Variants in RYR3 observed in about 807,000 individuals in gnomAD.
RYR3 encodes brain ryanodine receptor-calcium release channel.
A neutral mutation model predicts 584.3 loss-of-function variants in RYR3; 207 were observed. That is an observed-to-expected ratio of 0.35 (90% CI 0.32 to 0.40). The LOEUF (loss-of-function observed/expected upper bound fraction) is 0.40, where lower values mean the gene tolerates loss of function less well. Among genes scored for constraint, RYR3 ranks in the 10% least tolerant of loss-of-function variants. RYR3 has a pLI of 1.00. For synonymous variants in RYR3, 2,416 were observed against 2,248.5 expected, an observed-to-expected ratio of 1.07 and a Z score of -2.11; for missense variants, 5,616 against 6,089.2, an observed-to-expected ratio of 0.92 and a Z score of 2.59.
intron 1 of RYR3, among the ~76,000 whole-genome samples, chr15:33,394,430 T>C (rs1045505119): frequency 2.0e-5 from 3 of 152,240 alleles, no homozygotes; most frequent in Non-Finnish European, 4.4e-5. Context: ...AATTTACATG[T>C]TATGTTCCAA....
At chr15:33,536,610 C>G (rs2055349850) in intron 5 of RYR3, among the ~76,000 whole-genome samples, 1 of 152,176 alleles carries the variant, frequency 6.6e-6, no homozygotes, top group Non-Finnish European at 1.5e-5. Context: ...CTTCAGGACC[C>G]CCTTCATCAT....
chr15:33,546,533 T>G (rs2056252196), intron 8 of RYR3, among the ~76,000 whole-genome samples: 1 of 152,194 alleles, frequency 6.6e-6, no homozygotes, highest in Non-Finnish European at 1.5e-5. Context: ...AGGTAACCAT[T>G]GTTGATGTAA....
chr15:33,505,283 C>T (rs749961950), intron 3 of RYR3, among the ~76,000 whole-genome samples: 1 of 152,158 alleles, frequency 6.6e-6, no homozygotes, highest in African/African-American at 2.4e-5. Flanking sequence ...CCCTTAATAC[C>T]AAATATTTGT....
chr15:33,471,282 A>C (rs906827600), intron 1 of RYR3, among the ~76,000 whole-genome samples: 4 of 152,170 alleles, frequency 2.6e-5, no homozygotes, highest in African/African-American at 9.7e-5. Flanking sequence ...TTTGGCCCAG[A>C]GTCCCATACC....
intron 100 of RYR3, 92 bp downstream of exon 100, chr15:33,859,823 C>G: frequency 1.5e-6 from 2 of 1,298,344 alleles, no homozygotes; most frequent in Non-Finnish European, 2.1e-6. Flanking sequence ...TATGAAGAAG[C>G]GTGTGAATTC....
intron 48 of RYR3, among the ~76,000 whole-genome samples, chr15:33,735,247 T>C (rs1311063849): frequency 1.3e-5 from 2 of 152,244 alleles, no homozygotes; most frequent in African/African-American, 4.8e-5. Context: ...GAGTGATTTT[T>C]GCATTCTAAC....
chr15:33,338,313 C>T (rs1595766307), intron 1 of RYR3, among the ~76,000 whole-genome samples: 2 of 152,128 alleles, frequency 1.3e-5, no homozygotes, highest in African/African-American at 4.8e-5. Flanking sequence ...AGATGATTTT[C>T]GGGGCTCCAA....
intron 2 of RYR3, among the ~76,000 whole-genome samples, chr15:33,502,130 A>C (rs2052042888): frequency 6.6e-6 from 1 of 152,220 alleles, no homozygotes; most frequent in Non-Finnish European, 1.5e-5. Context: ...CAGAGCCAGT[A>C]GCCTTTGGAA....
intron 37 of RYR3, among the ~76,000 whole-genome samples, chr15:33,669,880 G>GGT (rs71117160): frequency 0.14 from 14,838 of 103,244 alleles, 1,199 homozygotes; most frequent in East Asian, 0.29. Context: ...GGGTGTGTGT[G>GGT]GTGTGTGTGT....
At chr15:33,834,945 T>TA (rs1567277639) in intron 86 of RYR3, 23 bp from the exon 87 acceptor site, 1 of 1,602,526 alleles carries the variant, frequency 6.2e-7, no homozygotes, top group South Asian at 1.1e-5. Flanking sequence ...TTAAGTGACA[T>TA]AAGAATGTCC....
chr15:33,449,444 T>A (rs2046930184), intron 1 of RYR3, among the ~76,000 whole-genome samples: 1 of 152,110 alleles, frequency 6.6e-6, no homozygotes, highest in Non-Finnish European at 1.5e-5. Context: ...AGCCACTAGG[T>A]CCAGCCCATA....
rs1225273407 is a variant in RYR3 at position 33,864,187 on chromosome 15, C to A, written c.14515C>A (p.Gln4839Lys). 1.1e-5 allele frequency: 18 copies of A among 1,609,724 alleles called. No homozygotes were observed. The highest frequency in any genetic ancestry group is 3.4e-5 in the Admixed American group (2 of 59,672). ...INKDETEHTGQESYVWKMYQE... is the reference protein window; with the variant it reads ...INKDETEHTGKESYVWKMYQE... ...TAAAGATGAAACAGAGCACACGGGT[C>A]AGGTGAGAAATTAAGAATCATATAC... Residue 4839 changes from glutamine (Q) to lysine (K), a missense_variant and splice_region_variant, in exon 103 of 104, where the codon CAG (glutamine) becomes AAG (lysine). Physicochemically the swap from Gln to Lys is moderately conservative, Grantham distance 53. This residue lies in a region of RYR3 where 918 missense variants were observed against 887.4 expected (regional missense o/e 1.03). Transcript: ENST00000634891.
intron 32 of RYR3, among the ~76,000 whole-genome samples, chr15:33,654,206 T>A (rs570503105): frequency 6.6e-5 from 10 of 152,278 alleles, no homozygotes; most frequent in African/African-American, 2.4e-4. Flanking sequence ...ATTTATTTAT[T>A]TTTTTAAGGA....
intron 70 of RYR3, among the ~76,000 whole-genome samples, chr15:33,808,324 A>G (rs1034854030): frequency 3.3e-5 from 5 of 152,196 alleles, no homozygotes; most frequent in Non-Finnish European, 5.9e-5. Context: ...GACTGGTTTC[A>G]GGGGTTTTGG....
chr15:33,736,505 T>C (rs1158638261), intron 49 of RYR3, among the ~76,000 whole-genome samples, 180 bp downstream of exon 49: 1 of 152,190 alleles, frequency 6.6e-6, no homozygotes, highest in Non-Finnish European at 1.5e-5. Flanking sequence ...AATGCCGAGG[T>C]TGAAGAAAAT....
In RYR3 at chr15:33,785,895, C is replaced by T; in HGVS notation, c.9502C>T (p.His3168Tyr). 1.9e-6 allele frequency: 3 copies of T among 1,613,936 alleles called. No individual in the cohort carries two copies. Among genetic ancestry groups the T allele is most frequent in the Non-Finnish European group, 2.5e-6 (3 of 1,179,844 alleles). ...GPCCTKVTSEHLSLILGNILK... is the reference protein window; with the variant it reads ...GPCCTKVTSEYLSLILGNILK... ...ATGCTGCACCAAGGTCACCTCTGAA[C>T]ACCTCAGTCTCATCCTGGGCAACAT... The change falls in exon 66 of 104, where the codon CAC (histidine) becomes TAC (tyrosine). Residue 3168 changes from histidine to tyrosine, a missense_variant. His to Tyr is a moderately conservative substitution (Grantham distance 83). Transcript: ENST00000634891.
chr15:33,450,069 G>A (rs972814230), intron 1 of RYR3, among the ~76,000 whole-genome samples: 17 of 135,102 alleles, frequency 1.3e-4, no homozygotes, highest in South Asian at 9.3e-4. Context: ...TCCTTACTGC[G>A]GCTAGAGCAT....
intron 16 of RYR3, among the ~76,000 whole-genome samples, chr15:33,591,835 A>T (rs767904720): frequency 5.3e-5 from 8 of 152,238 alleles, no homozygotes; most frequent in Non-Finnish European, 8.8e-5. Context: ...GCTGAATAGC[A>T]GCCATTTCTC....
chr15:33,398,076 T>C (rs769528154), intron 1 of RYR3, among the ~76,000 whole-genome samples: 5 of 152,228 alleles, frequency 3.3e-5, no homozygotes, highest in Admixed American at 6.5e-5. Flanking sequence ...TTTTCTACAG[T>C]CCCAGCGAGA....
Sources: allele counts gnomAD v4.1 joint callset (sites outside exome capture counted in the v4.1 genomes callset), GRCh38; gene constraint gnomAD v4.1.1; regional missense constraint gnomAD v4.1.1; transcripts MANE v1.5; gene names NCBI Gene and HGNC (gene_info 2026-07-23, HGNC 2026-07-21).